TMEM50B: variants seen among roughly 807,000 people sequenced by gnomAD.
TMEM50B encodes the protein HCV p7-trans-regulated protein 3.
Under a neutral mutation model 23.4 loss-of-function variants are expected in TMEM50B, and 14 were observed. The observed-to-expected ratio is 0.60, with a 90% CI of 0.39 to 0.93. The LOEUF (loss-of-function observed/expected upper bound fraction) is 0.93. TMEM50B is among the 40% of genes least tolerant of loss of function. The pLI, the probability that TMEM50B is intolerant of heterozygous loss-of-function variation, is 0.00. For missense variants in TMEM50B, 159 were observed against 193.0 expected (o/e 0.82, Z 1.04); for synonymous variants, 64 against 62.3 (o/e 1.03, Z -0.13).
intron 8 of TMEM50B, chr21:33,432,930 GGCGGGAGTGTCAT>G (rs1429444575): frequency 7.1e-7 from 1 of 1,403,742 alleles, no homozygotes; most frequent in African/African-American, 1.4e-5. Flanking sequence ...CTGTTGCCCA[GGCGGGAGTGTCAT>G]GGTACAATCT....
intron 8 of TMEM50B, among the ~76,000 whole-genome samples, chr21:33,438,044 GGAGGTCAA>G (rs1463430169): frequency 6.6e-6 from 1 of 151,504 alleles, no homozygotes; most frequent in African/African-American, 2.4e-5. Flanking sequence ...CAGCACTTTG[GGAGGTCAA>G]GATGGGAGGA....
chr21:33,433,434 TAGAA>T (rs2083910121), intron 8 of TMEM50B, among the ~76,000 whole-genome samples: 1 of 152,136 alleles, frequency 6.6e-6, no homozygotes, highest in African/African-American at 2.4e-5. Context: ...CATTCAGCCT[TAGAA>T]AGGAAGGGGA....
chr21:33,434,518 T>C (rs1212415929), intron 8 of TMEM50B, among the ~76,000 whole-genome samples: 1 of 151,982 alleles, frequency 6.6e-6, no homozygotes, highest in Non-Finnish European at 1.5e-5. Context: ...CAAGACTCCA[T>C]CTCAAAAAAA....
intron 5 of TMEM50B, among the ~76,000 whole-genome samples, chr21:33,457,136 C>G (rs1466068102): frequency 6.6e-6 from 1 of 151,412 alleles, no homozygotes; most frequent in Non-Finnish European, 1.5e-5. Context: ...TGGCTGTAAT[C>G]CCAGCTACTT....
Position 33,449,453 on chromosome 21 carries a change from C to CAA in TMEM50B, c.*1363_*1364dup, listed in dbSNP as rs2123412190. On this transcript the variant is annotated 3_prime_UTR_variant, in exon 7 of 7. Coordinates refer to ENST00000542230, the MANE Select transcript of TMEM50B (RefSeq NM_006134.7). ...ACAACACCCCTCTGGAGAAAAAGTG[C>CAA]AACACAAAATCTGTGTAACAAAGGA... The CAA allele has an allele frequency of 6.5e-6, 1 of 152,672 alleles. No homozygotes were observed. The highest frequency in any genetic ancestry group is 1.9e-4 in the East Asian group (1 of 5,178). 9.5% of individuals were successfully genotyped at this position (152,672 alleles called of 1,614,324 possible).
intron 4 of TMEM50B, among the ~76,000 whole-genome samples, chr21:33,464,446 C>T (rs968944804): frequency 4.0e-5 from 6 of 150,004 alleles, no homozygotes; most frequent in Admixed American, 6.6e-5. Flanking sequence ...GTGTTCCACC[C>T]GTCTCAGCCT....
At chr21:33,477,393 T>C (rs1377194218) in intron 1 of TMEM50B, among the ~76,000 whole-genome samples, 1 of 152,076 alleles carries the variant, frequency 6.6e-6, no homozygotes, top group African/African-American at 2.4e-5. Context: ...TATAATATAA[T>C]ACCCTCCTAG....
intron 1 of TMEM50B, among the ~76,000 whole-genome samples, chr21:33,477,838 T>C (rs1288178644): frequency 6.9e-6 from 1 of 145,860 alleles, no homozygotes; most frequent in Non-Finnish European, 1.5e-5. Context: ...TATACATAAG[T>C]TAAAAATAAA....
chr21:33,432,556 C>A, exon 9 of TMEM50B: 2 of 901,616 alleles, frequency 2.2e-6, no homozygotes, highest in Non-Finnish European at 3.6e-6. Flanking sequence ...TTGACTTTAG[C>A]TATTAATGTA....
At chr21:33,460,019 T>C (rs952647056) in intron 5 of TMEM50B, among the ~76,000 whole-genome samples, 2 of 152,220 alleles carry the variant, frequency 1.3e-5, no homozygotes. Flanking sequence ...AGACTAGTTA[T>C]AAATAACTTG....
At position 33,436,887 on chromosome 21, in the gene TMEM50B, G is replaced by A. The variant is rs138655852; in HGVS notation, c.*2120+2327C>T. The A allele has an allele frequency of 5.8e-5, 94 of 1,613,940 alleles. 1 individual carries two copies. The African/African-American group carries it at 9.5e-4, about 16-fold the overall frequency. ...CCTTGGACAAGGACAGCTCACCAAA[G>A]GATGACGTCTGGGACTCTGTGTCCA... On this transcript the variant is annotated intron_variant and NMD_transcript_variant, in intron 8 of 8. Transcript: ENST00000420455.
chr21:33,466,246 G>GTT (rs1350105618), intron 3 of TMEM50B, among the ~76,000 whole-genome samples: 1 of 152,060 alleles, frequency 6.6e-6, no homozygotes, highest in Non-Finnish European at 1.5e-5. Context: ...AAACAACAGA[G>GTT]TAAGACTCTG....
chr21:33,476,760 C>CAAAAA (rs10645412), intron 1 of TMEM50B, among the ~76,000 whole-genome samples: 5 of 68,370 alleles, frequency 7.3e-5, no homozygotes, highest in Admixed American at 1.9e-4. Context: ...GACTCCATCT[C>CAAAAA]AAAAAAAAAA....
chr21:33,454,667 ATTT>A (rs959649396), intron 6 of TMEM50B, among the ~76,000 whole-genome samples: 2 of 149,444 alleles, frequency 1.3e-5, no homozygotes, highest in African/African-American at 2.5e-5. Flanking sequence ...GTTGTTGTTA[ATTT>A]TTTTTTTCCC....
At chr21:33,477,742 C>T (rs1426729492) in intron 1 of TMEM50B, among the ~76,000 whole-genome samples, 3 of 151,332 alleles carry the variant, frequency 2.0e-5, no homozygotes, top group Admixed American at 1.3e-4. Flanking sequence ...ACCTGGGAGG[C>T]GGAGGTTGCA....
chr21:33,442,168 CCTT>C (rs1239102534), intron 7 of TMEM50B, among the ~76,000 whole-genome samples: 14 of 152,200 alleles, frequency 9.2e-5, no homozygotes, highest in African/African-American at 3.4e-4. Context: ...CCCCAGCTGT[CCTT>C]CTGTTTGATG....
chr21:33,464,820 A>AC (rs1432938848), intron 4 of TMEM50B, among the ~76,000 whole-genome samples: 4 of 148,496 alleles, frequency 2.7e-5, no homozygotes, highest in Non-Finnish European at 6.0e-5. Flanking sequence ...AAAAAAAAAA[A>AC]AAAACAAAAA....
chr21:33,440,697 CAT>C (rs2123393599), intron 7 of TMEM50B, among the ~76,000 whole-genome samples: 1 of 151,462 alleles, frequency 6.6e-6, no homozygotes, highest in South Asian at 2.1e-4. Context: ...GCCTGACCAA[CAT>C]GGTGAAACCC....
intron 7 of TMEM50B, among the ~76,000 whole-genome samples, chr21:33,440,570 G>A (rs534632701): frequency 2.0e-5 from 3 of 151,458 alleles, no homozygotes; most frequent in African/African-American, 7.3e-5. Flanking sequence ...GTGACAGAGC[G>A]AGACTCTGTC....
Sources: gnomAD v4.1 joint callset for allele counts (sites outside exome capture counted in the v4.1 genomes callset) on GRCh38, gnomAD v4.1.1 for gene constraint, MANE v1.5 for transcripts, NCBI Gene and HGNC (gene_info 2026-07-23, HGNC 2026-07-21) for gene names.